GFPT1: variants seen among roughly 807,000 people sequenced by gnomAD.
The protein encoded by GFPT1 is glutamine--fructose-6-phosphate transaminase 1, also known as glutamine--fructose-6-phosphate aminotransferase [isomerizing] 1.
A neutral mutation model predicts 92.0 loss-of-function variants in GFPT1; 40 were observed. The observed-to-expected ratio is 0.43, with a 90% confidence interval of 0.34 to 0.57. GFPT1 has a LOEUF of 0.57. GFPT1 is among the 20% of genes least tolerant of loss of function. GFPT1 has a pLI of 0.02. For missense variants in GFPT1, 448 were observed against 869.1 expected (o/e 0.52, Z 6.09); for synonymous variants, 269 against 280.6 (o/e 0.96, Z 0.41).
chr2:69,350,199 A>C lies in GFPT1; in HGVS notation c.740-16T>G. ...TTGTCTTTGCCTAAAGCATATAGTTAACATGAATTGGCAAACATGTAGAAA... is the reference window on the plus strand; with the variant it reads ...TTGTCTTTGCCTAAAGCATATAGTTCACATGAATTGGCAAACATGTAGAAA... On this transcript the variant is annotated splice_polypyrimidine_tract_variant and intron_variant, in intron 9 of 19. Transcript: ENST00000357308. 1 of 1,521,696 alleles carries C rather than the reference A, an allele frequency of 6.6e-7. No individual in the cohort carries two copies. Among genetic ancestry groups the C allele is most frequent in the Non-Finnish European group, 9.1e-7 (1 of 1,095,646 alleles). 94.3% of individuals were successfully genotyped at this position (1,521,696 alleles called of 1,614,324 possible). A position where few individuals can be genotyped will look rare whatever the true frequency, so the allele number is the denominator to read the frequency against.
intron 3 of GFPT1, among the ~76,000 whole-genome samples, chr2:69,365,464 TC>T: frequency 6.6e-6 from 1 of 152,294 alleles, no homozygotes; most frequent in East Asian, 1.9e-4. Flanking sequence ...AGAGCAAGAC[TC>T]CGTCTCAAAA....
At chr2:69,385,206 ATC>A (rs1672103864) in intron 1 of GFPT1, among the ~76,000 whole-genome samples, 1 of 152,114 alleles carries the variant, frequency 6.6e-6, no homozygotes. Flanking sequence ...TGATTTCCAT[ATC>A]TGATTTATTT....
At chr2:69,370,416 G>A (rs1671718045) in intron 2 of GFPT1, among the ~76,000 whole-genome samples, 1 of 152,142 alleles carries the variant, frequency 6.6e-6, no homozygotes, top group African/African-American at 2.4e-5. Context: ...GGGATACAAT[G>A]GAGAAATGCA....
intron 13 of GFPT1, among the ~76,000 whole-genome samples, chr2:69,339,300 G>A (rs184820436): frequency 8.5e-4 from 130 of 152,154 alleles, no homozygotes; most frequent in African/African-American, 3.1e-3. Context: ...AAAGTACAAC[G>A]TATTCATAAA....
rs1670551517 is a variant in GFPT1 at position 69,327,159 on chromosome 2, T to C, written c.1894-84A>G. On this transcript the variant is annotated intron_variant, in intron 18 of 19. Coordinates refer to ENST00000357308, the MANE Select transcript of GFPT1 (RefSeq NM_001244710.2). ...GCTTACGAATGTGCAAAAATTGCAC[T>C]GCATAATCCATATGAAGCCTCACGG... 3 of 1,153,856 alleles carry C rather than the reference T, an allele frequency of 2.6e-6. No homozygotes were observed. In the African/African-American group the frequency reaches 4.5e-5, roughly 17 times the overall value. 71.5% of individuals were successfully genotyped at this position (1,153,856 alleles called of 1,614,324 possible).
intron 11 of GFPT1, 23 bp downstream of exon 11, chr2:69,348,148 T>C (rs1558749386): frequency 6.3e-7 from 1 of 1,588,622 alleles, no homozygotes; most frequent in Non-Finnish European, 8.6e-7. Flanking sequence ...GACAGCAAGC[T>C]ATAACATGAC....
chr2:69,320,725 T>G lies in GFPT1; in HGVS notation c.*5464A>C, dbSNP rs115361740. On this transcript the variant is annotated 3_prime_UTR_variant, in exon 20 of 20. Coordinates refer to ENST00000357308, the MANE Select transcript of GFPT1 (RefSeq NM_001244710.2). ...CTCGTGTGAACACGGGAGGTGGAAG[T>G]TGCAGTCAGCCAAGATTGCAGCACT... The G allele has an allele frequency of 1.3e-5, 2 of 151,820 alleles. No individual in the cohort carries two copies. Among genetic ancestry groups the G allele is most frequent in the Non-Finnish European group, 2.9e-5 (2 of 68,010 alleles). 9.4% of individuals were successfully genotyped at this position (151,820 alleles called of 1,614,324 possible).
At chr2:69,371,343 T>G (rs1283682405) in intron 2 of GFPT1, 1 of 151,564 alleles carries the variant, frequency 6.6e-6, no homozygotes, top group Non-Finnish European at 1.5e-5. Context: ...CCTCCCAAAG[T>G]GCTGGGATTA....
At chr2:69,352,608 G>C (rs988198793) in intron 9 of GFPT1, among the ~76,000 whole-genome samples, 2 of 60,292 alleles carry the variant, frequency 3.3e-5, no homozygotes, top group South Asian at 6.8e-4. Context: ...GCGAGACTTC[G>C]TCTCAAAAAA....
In GFPT1 at chr2:69,322,904, T is replaced by C. The variant is rs7579532; in HGVS notation, c.*3285A>G. On this transcript the variant is annotated 3_prime_UTR_variant, in exon 20 of 20. Transcript: ENST00000357308. Reference sequence around the variant, plus strand: ...AGCACTTTAACAACCCGCCTCCACTTCATCTTCCCATTCTCTCACCCTATG... The same window carrying C: ...AGCACTTTAACAACCCGCCTCCACTCCATCTTCCCATTCTCTCACCCTATG... 0.66 allele frequency: 100,536 copies of C among 152,032 alleles called. 34,806 individuals carry two copies. The highest frequency in any genetic ancestry group is 0.88 in the African/African-American group (36,598 of 41,496). 9.4% of individuals were successfully genotyped at this position (152,032 alleles called of 1,614,324 possible).
At chr2:69,336,339 CAA>C (rs61141681) in intron 15 of GFPT1, among the ~76,000 whole-genome samples, 7 of 98,068 alleles carry the variant, frequency 7.1e-5, no homozygotes, top group Admixed American at 1.3e-4. Context: ...AGTCTGTCTC[CAA>C]AAAAAAAAAA....
chr2:69,328,703 T>TTTG lies in GFPT1; in HGVS notation c.1726-266_1726-265insCAA, dbSNP rs1670589735. Among the ~76,000 whole-genome samples the TTTG allele has an allele frequency of 5.4e-5, 8 of 147,962 alleles. No individual in the cohort carries two copies. The South Asian group carries it at 1.5e-3, about 28-fold the overall frequency. On this transcript the variant is annotated intron_variant, in intron 17 of 19. Coordinates refer to ENST00000357308, the MANE Select transcript of GFPT1 (RefSeq NM_001244710.2). ...CATATTCATATTTCTGGTTAACCCT[T>TTTG]TTTTTTTTTTTTTTTAAGACAGAGT...
Position 69,353,638 on chromosome 2 carries a change from G to A in GFPT1, c.739+621C>T, listed in dbSNP as rs942042946. Among the ~76,000 whole-genome samples, 6 of 152,298 alleles carry A rather than the reference G, an allele frequency of 3.9e-5. No homozygotes were observed. The South Asian group carries it at 1.0e-3, about 26-fold the overall frequency. On this transcript the variant is annotated intron_variant, in intron 9 of 19. Transcript: ENST00000357308. ...GAGCCCAAGAGTTCGAAATTGCAGT[G>A]AGGTATGACCATACCACTGCACTGC... is the stretch of plus-strand genomic sequence containing the variant.
chr2:69,337,570 T>C (rs901532790), intron 15 of GFPT1, among the ~76,000 whole-genome samples: 2 of 152,230 alleles, frequency 1.3e-5, no homozygotes, highest in African/African-American at 4.8e-5. Context: ...TTATGTATCC[T>C]ACTGTGCCTA....
chr2:69,348,129 T>C (rs1479154322), intron 11 of GFPT1, 42 bp downstream of exon 11: 3 of 1,457,364 alleles, frequency 2.1e-6, no homozygotes, highest in Non-Finnish European at 2.9e-6. Context: ...ATATATTCTT[T>C]CCAGTAAGGA....
At chr2:69,333,239 C>A (rs1029868163) in intron 15 of GFPT1, among the ~76,000 whole-genome samples, 4 of 152,152 alleles carry the variant, frequency 2.6e-5, no homozygotes, top group African/African-American at 9.7e-5. Context: ...AAACTGTTTC[C>A]AATCCAAACT....
intron 3 of GFPT1, among the ~76,000 whole-genome samples, chr2:69,368,236 A>G (rs1671657672): frequency 1.3e-5 from 2 of 152,190 alleles, no homozygotes; most frequent in African/African-American, 4.8e-5. Context: ...CGAAATAATT[A>G]GCCAGGCGTT....
At chr2:69,346,065 A>G (rs1671073897) in intron 11 of GFPT1, 66 bp from the exon 12 acceptor site, 1 of 902,816 alleles carries the variant, frequency 1.1e-6, no homozygotes, top group Admixed American at 1.8e-5. Context: ...GTACACAACT[A>G]AAAGTTTCCT....
chr2:69,384,693 C>CAAAAAAAAAAAAAAAAAAAAAAA (rs71964630), intron 1 of GFPT1, among the ~76,000 whole-genome samples: 2 of 106,630 alleles, frequency 1.9e-5, no homozygotes, highest in African/African-American at 3.3e-5. Context: ...GGCCCCGTCA[C>CAAAAAAAAAAAAAAAAAAAAAAA]AAAAAAAAAA....
Sources: allele counts gnomAD v4.1 joint callset (sites outside exome capture counted in the v4.1 genomes callset), GRCh38; gene constraint gnomAD v4.1.1; transcripts MANE v1.5; gene names NCBI Gene and HGNC (gene_info 2026-07-23, HGNC 2026-07-21).